Variants in KLHL13 observed in about 807,000 individuals in gnomAD.
KLHL13 encodes the protein kelch-like protein 13.
A neutral mutation model predicts 37.1 loss-of-function variants in KLHL13; 10 were observed. That is an observed-to-expected ratio of 0.27 (90% CI 0.17 to 0.46). The LOEUF (loss-of-function observed/expected upper bound fraction) is 0.46, where lower values mean the gene tolerates loss of function less well. Among genes scored for constraint, KLHL13 ranks in the 20% least tolerant of loss-of-function variants. The probability of loss-of-function intolerance (pLI) is 1.00; values close to 1 mark genes in which losing one functional copy is unlikely to be tolerated. For synonymous variants in KLHL13, 163 were observed against 181.2 expected (o/e 0.90, Z 0.81); for missense variants, 360 against 509.3 (o/e 0.71, Z 2.82).
At chrX:117,955,114 A>T (rs181625212) in intron 1 of KLHL13, among the ~76,000 whole-genome samples, 15 of 112,154 alleles carry the variant, frequency 1.3e-4, no homozygotes, top group African/African-American at 4.9e-4. Context: ...CAAACATCTG[A>T]GTTACCCAAT....
At chrX:117,933,861 A>G (rs963673386) in intron 2 of KLHL13, among the ~76,000 whole-genome samples, 15 of 110,920 alleles carry the variant, frequency 1.4e-4, no homozygotes, top group Non-Finnish European at 1.3e-4. Flanking sequence ...GAATAGAAGA[A>G]GCTACTAACT....
chrX:118,097,164 A>G (rs1389378108), intron 1 of KLHL13, among the ~76,000 whole-genome samples: 4 of 111,354 alleles, frequency 3.6e-5, no homozygotes, highest in Non-Finnish European at 5.7e-5. Flanking sequence ...TGACATGATT[A>G]TATATCTAGA....
intron 1 of KLHL13, among the ~76,000 whole-genome samples, chrX:118,105,892 CTTTT>C (rs754130371): frequency 3.5e-3 from 233 of 66,990 alleles, no homozygotes; most frequent in African/African-American, 0.015. Context: ...GTCTAAACAG[CTTTT>C]TTTTTTTTTT....
chrX:118,103,089 A>C (rs562322101), intron 1 of KLHL13, among the ~76,000 whole-genome samples: 1 of 112,101 alleles, frequency 8.9e-6, no homozygotes, highest in South Asian at 3.7e-4. Flanking sequence ...TTGTGAGAAA[A>C]GGTAGCATCA....
At chrX:118,071,185 T>C (rs2054859549) in intron 1 of KLHL13, among the ~76,000 whole-genome samples, 1 of 111,860 alleles carries the variant, frequency 8.9e-6, no homozygotes, top group Non-Finnish European at 1.9e-5. Context: ...GTTCCAAGTC[T>C]TTGCTATTGT....
chrX:118,093,894 G>A lies in KLHL13; in HGVS notation c.-56+22614C>T, dbSNP rs6645445. 7.0e-3 allele frequency among the ~76,000 whole-genome samples: 766 copies of A among 109,377 alleles called. 8 individuals are homozygous for A. The highest frequency in any genetic ancestry group is 0.022 in the African/African-American group (664 of 30,045). 95.0% of individuals were successfully genotyped at this position (109,377 alleles called of 115,157 possible). ...AAATTATACTTTTTCTCTCGGGGGTGGAGACAAGATGGCCGAATAGGAACA... is the reference window on the plus strand; with the variant it reads ...AAATTATACTTTTTCTCTCGGGGGTAGAGACAAGATGGCCGAATAGGAACA... On this transcript the variant is annotated intron_variant, in intron 1 of 6. Coordinates refer to the KLHL13 transcript ENST00000371882.
chrX:117,973,925 G>C (rs193145032), upstream of KLHL13: 115 of 113,238 alleles, frequency 1.0e-3, 1 homozygote, highest in Non-Finnish European at 1.6e-3. Context: ...CCACTCCAAA[G>C]CTCAACAGCG....
intron 2 of KLHL13, among the ~76,000 whole-genome samples, chrX:117,930,290 A>AAGGCAGGAAGGCAGGCAGGC (rs1932374216): frequency 1.3e-4 from 10 of 77,996 alleles, no homozygotes; most frequent in African/African-American, 3.9e-4. Context: ...GGAAGGAAGG[A>AAGGCAGGAAGGCAGGCAGGC]AGGCAGGCAG....
At chrX:117,964,717 C>T (rs1226230534) in intron 1 of KLHL13, among the ~76,000 whole-genome samples, 4 of 111,154 alleles carry the variant, frequency 3.6e-5, no homozygotes, top group African/African-American at 1.3e-4. Flanking sequence ...AGGCATATCT[C>T]CTAATGCTAT....
At chrX:118,001,623 G>C (rs1196245121) in intron 1 of KLHL13, among the ~76,000 whole-genome samples, 3 of 111,109 alleles carry the variant, frequency 2.7e-5, no homozygotes, top group Non-Finnish European at 5.7e-5. Context: ...CAGCATTTTG[G>C]GAGGCTGAGG....
At chrX:118,073,535 T>G (rs2054895565) in intron 1 of KLHL13, among the ~76,000 whole-genome samples, 1 of 111,529 alleles carries the variant, frequency 9.0e-6, no homozygotes, top group Non-Finnish European at 1.9e-5. Context: ...CCTCTCTACA[T>G]ATACTTGGCT....
rs773513551 is a variant in KLHL13 at position 118,097,015 on chromosome X, G to A, written c.-56+19493C>T. On this transcript the variant is annotated intron_variant, in intron 1 of 6. Coordinates refer to the KLHL13 transcript ENST00000371882. ...CTGGAAGCATTCCCTTTGAAAACGG[G>A]CACAAGACAGGGATGCCCTCTCTCA... Among the ~76,000 whole-genome samples, 881 of 111,211 alleles carry A rather than the reference G, an allele frequency of 7.9e-3. 11 individuals carry two copies. Among genetic ancestry groups the A allele is most frequent in the African/African-American group, 0.027 (837 of 30,554 alleles).
intron 1 of KLHL13, among the ~76,000 whole-genome samples, chrX:117,950,282 C>T (rs1933521050): frequency 8.9e-6 from 1 of 111,750 alleles, no homozygotes; most frequent in Non-Finnish European, 1.9e-5. Context: ...GCCCAGCCAA[C>T]ATGGTAAAAC....
chrX:117,965,137 G>C (rs1232820276), intron 1 of KLHL13, among the ~76,000 whole-genome samples: 5 of 111,608 alleles, frequency 4.5e-5, no homozygotes, highest in African/African-American at 1.6e-4. Flanking sequence ...GGTATTTCTA[G>C]TTCTAGATCC....
intron 1 of KLHL13, among the ~76,000 whole-genome samples, chrX:118,013,725 T>C (rs1404039214): frequency 8.9e-6 from 1 of 112,198 alleles, no homozygotes; most frequent in Non-Finnish European, 1.9e-5. Flanking sequence ...CTACAACTAA[T>C]ACCCCCATGT....
At chrX:117,909,984 C>T (rs1291954581) in exon 5 of KLHL13, 3 of 1,208,116 alleles carry the variant, frequency 2.5e-6, no homozygotes, top group Non-Finnish European at 3.4e-6. Context: ...CTCCCCTGTG[C>T]TCAGCAATGC....
intron 2 of KLHL13, among the ~76,000 whole-genome samples, chrX:117,942,291 G>A (rs759683068): frequency 8.9e-6 from 1 of 111,814 alleles, no homozygotes; most frequent in Non-Finnish European, 1.9e-5. Context: ...GTGCTGAGAA[G>A]AATGTATATT....
At chrX:118,017,174 CT>C (rs2054135927) in intron 1 of KLHL13, among the ~76,000 whole-genome samples, 1 of 111,299 alleles carries the variant, frequency 9.0e-6, no homozygotes, top group Non-Finnish European at 1.9e-5. Context: ...TATGTAAACT[CT>C]TTAGCATAAA....
chrX:117,961,532 G>A, intron 1 of KLHL13, among the ~76,000 whole-genome samples: 1 of 111,786 alleles, frequency 8.9e-6, no homozygotes, highest in Non-Finnish European at 1.9e-5. Context: ...TTGAAAATGT[G>A]ATAAAGGTTA....
Sources: allele counts gnomAD v4.1 joint callset (sites outside exome capture counted in the v4.1 genomes callset), GRCh38; gene constraint gnomAD v4.1.1; transcripts MANE v1.5; gene names NCBI Gene and HGNC (gene_info 2026-07-23, HGNC 2026-07-21).